The following LAMA3 variants were observed in gnomAD, a reference collection of about 807,000 sequenced individuals.
LAMA3 encodes the protein laminin subunit alpha-3.
Under a neutral mutation model 402.0 loss-of-function variants are expected in LAMA3, and 281 were observed. That is an observed-to-expected ratio of 0.70 (90% CI 0.63 to 0.77). The LOEUF (loss-of-function observed/expected upper bound fraction) is 0.77, where lower values mean the gene tolerates loss of function less well. Ranked by LOEUF, LAMA3 falls within the 30% of genes least tolerant of loss-of-function variation. The probability of loss-of-function intolerance (pLI) is 0.00; values close to 1 mark genes in which losing one functional copy is unlikely to be tolerated. For synonymous variants in LAMA3, 1,431 were observed against 1,558.4 expected (o/e 0.92, Z 1.93); for missense variants, 3,840 against 4,215.5 (o/e 0.91, Z 2.47).
intron 34 of LAMA3, among the ~76,000 whole-genome samples, 159 bp downstream of exon 34, chr18:23,858,988 C>T (rs1197317362): frequency 6.6e-6 from 1 of 152,134 alleles, no homozygotes; most frequent in Non-Finnish European, 1.5e-5. Flanking sequence ...AGGGGCTTTC[C>T]TTCACCACTT....
At chr18:23,747,384 G>T (rs570650134) in intron 2 of LAMA3, among the ~76,000 whole-genome samples, 17 of 152,242 alleles carry the variant, frequency 1.1e-4, no homozygotes, top group African/African-American at 3.9e-4. Context: ...AGAGTGATGA[G>T]GGCGAATGAG....
intron 12 of LAMA3, among the ~76,000 whole-genome samples, chr18:23,791,034 G>A (rs1373782795): frequency 2.0e-5 from 3 of 151,868 alleles, no homozygotes; most frequent in Non-Finnish European, 4.4e-5. Context: ...TACTACAGGC[G>A]CCCGCCACTG....
chr18:23,822,288 A>G lies in LAMA3; in HGVS notation c.2341A>G (p.Ser781Gly). The G allele has an allele frequency of 1.2e-6, 2 of 1,613,906 alleles. No homozygotes were observed. The highest frequency in any genetic ancestry group is 3.3e-4 in the Middle Eastern group (2 of 6,062). ...VRITLNVGKSSGSLFRVILRY... is the reference protein window; with the variant it reads ...VRITLNVGKSGGSLFRVILRY... ...AATAACATTGAATGTAGGGAAGTCAAGTGGCTCCTTGTTTCGTGTTATTCT... is the reference window on the plus strand; with the variant it reads ...AATAACATTGAATGTAGGGAAGTCAGGTGGCTCCTTGTTTCGTGTTATTCT... The change falls in exon 20 of 75, where the codon AGT (serine) becomes GGT (glycine). Residue 781 changes from serine to glycine, a missense_variant. Coordinates refer to ENST00000313654, the MANE Select transcript of LAMA3 (RefSeq NM_198129.4).
intron 8 of LAMA3, among the ~76,000 whole-genome samples, chr18:23,764,704 G>A (rs1002180710): frequency 1.3e-5 from 2 of 151,834 alleles, no homozygotes; most frequent in African/African-American, 4.8e-5. Context: ...TATTTAGGTA[G>A]CGTAATTAAC....
Position 23,810,479 on chromosome 18 carries a change from G to A in LAMA3, c.1717G>A (p.Ala573Thr), listed in dbSNP as rs768366452. The change falls in exon 13 of 75, where the codon GCT becomes ACT. Residue 573 changes from alanine to threonine, a missense_variant. By Grantham distance (58) the Ala-to-Thr change is moderately conservative. Around this residue, in one of 3 missense-constraint regions of LAMA3, gnomAD observed 2,109 missense variants for 2,376.0 expected, o/e 0.89. Transcript: ENST00000313654. ...GCGGTGTGACAGGTGTCTCTCAGGA[G>A]CTTATGATTTCCCCCACTGCCAAGG... ...GQRCDRCLSG[A>T]YDFPHCQGSS... 1 of 1,613,984 alleles carries A rather than the reference G, an allele frequency of 6.2e-7. No homozygotes were observed. Among genetic ancestry groups the A allele is most frequent in the Non-Finnish European group, 8.5e-7 (1 of 1,180,010 alleles).
intron 38 of LAMA3, among the ~76,000 whole-genome samples, chr18:23,873,997 G>A (rs994154512): frequency 6.6e-6 from 1 of 152,058 alleles, no homozygotes; most frequent in African/African-American, 2.4e-5. Flanking sequence ...TATAAGAGGT[G>A]AAAAAATGAT....
intron 11 of LAMA3, chr18:23,781,291 G>C (rs767473829): frequency 2.2e-6 from 1 of 456,054 alleles, no homozygotes; most frequent in South Asian, 1.5e-5. Flanking sequence ...TGTGATGGAC[G>C]GACAGGGTGG....
At chr18:23,806,066 A>G (rs553551672) in intron 12 of LAMA3, among the ~76,000 whole-genome samples, 1 of 152,324 alleles carries the variant, frequency 6.6e-6, no homozygotes, top group South Asian at 2.1e-4. Flanking sequence ...ACTTCCAGGA[A>G]CACCATGATC....
rs1337558734 is a variant in LAMA3 at position 23,905,572 on chromosome 18, C to T, written c.6666C>T (p.Asn2222=). The change falls in exon 52 of 75, where the codon AAC becomes AAT. Residue 2222 remains asparagine (N), a synonymous_variant. Coordinates refer to ENST00000313654, the MANE Select transcript of LAMA3 (RefSeq NM_198129.4). ...GAAAAGCTAAAACCCTGAGTTCCAA[C>T]AGTGATAAACTGTTAAATGAAGCCA... ...LPRKAKTLSS[N]SDKLLNEAKM... The T allele has an allele frequency of 1.2e-6, 2 of 1,611,992 alleles. No individual in the cohort carries two copies. Among genetic ancestry groups the T allele is most frequent in the Non-Finnish European group, 1.7e-6 (2 of 1,178,566 alleles).
At chr18:23,728,646 A>T (rs1002390092) in intron 2 of LAMA3, among the ~76,000 whole-genome samples, 4 of 152,094 alleles carry the variant, frequency 2.6e-5, no homozygotes. Flanking sequence ...GGAAGTGTCT[A>T]TCCCTGGGAC....
intron 1 of LAMA3, among the ~76,000 whole-genome samples, chr18:23,695,973 G>A (rs2060680095): frequency 6.6e-6 from 1 of 152,050 alleles, no homozygotes; most frequent in Non-Finnish European, 1.5e-5. Flanking sequence ...TTTGAACAGA[G>A]CCCAGTGGTT....
At chr18:23,777,429 T>C (rs2062346139) in intron 10 of LAMA3, 128 bp from the exon 11 acceptor site, 7 of 704,358 alleles carry the variant, frequency 9.9e-6, no homozygotes, top group Non-Finnish European at 2.6e-6. Context: ...CGCCTTTCTT[T>C]AAATTAGTCT....
chr18:23,871,669 G>C lies in LAMA3; in HGVS notation c.4998+8G>C. The stretch of plus-strand genomic sequence containing the variant: ...GCTGGTGACTCTTGTCAGGTAGGAA[G>C]TTTTCCCATCCGCAACATTTCCCTA... On this transcript the variant is annotated splice_region_variant and intron_variant, in intron 38 of 74. Transcript: ENST00000313654. The C allele has an allele frequency of 1.3e-6, 2 of 1,588,240 alleles. No individual in the cohort carries two copies. The highest frequency in any genetic ancestry group is 4.5e-5 in the East Asian group (2 of 44,124).
In LAMA3 at chr18:23,943,812, G is replaced by A; in HGVS notation, c.9051G>A (p.Gln3017=). 3 of 1,613,990 alleles carry A rather than the reference G, an allele frequency of 1.9e-6. No homozygotes were observed. Among genetic ancestry groups the A allele is most frequent in the South Asian group, 1.1e-5 (1 of 91,078 alleles). The change falls in exon 69 of 75, where the codon CAG becomes CAA. Residue 3017 remains glutamine (Q), a synonymous_variant. Coordinates refer to ENST00000313654, the MANE Select transcript of LAMA3 (RefSeq NM_198129.4). ...GGTCACAGTTTGCTGTGGACATGCA[G>A]ACAACATCCTCCAGAGGACTGGTGT... ...KPRSQFAVDM[Q]TTSSRGLVFH...
At chr18:23,825,840 C>T (rs551241838) in intron 21 of LAMA3, among the ~76,000 whole-genome samples, 1 of 152,050 alleles carries the variant, frequency 6.6e-6, no homozygotes, top group African/African-American at 2.4e-5. Context: ...CTATGATCAA[C>T]CTTTACTATT....
At chr18:23,890,192 C>A in intron 42 of LAMA3, 75 bp downstream of exon 42, 1 of 963,016 alleles carries the variant, frequency 1.0e-6, no homozygotes. Context: ...AACCCAAGCA[C>A]ACATCTTCAG....
intron 17 of LAMA3, 129 bp from the exon 18 acceptor site, chr18:23,816,259 G>A (rs2063173265): frequency 1.4e-6 from 1 of 737,384 alleles, no homozygotes; most frequent in Non-Finnish European, 2.4e-6. Context: ...TTGCCAGACA[G>A]ATGTGGCAGA....
At position 23,850,302 on chromosome 18, in the gene LAMA3, CT is replaced by C. The variant is rs147716939; in HGVS notation, c.4136+2637del. On this transcript the variant is annotated intron_variant, in intron 32 of 74. Coordinates refer to ENST00000313654, the MANE Select transcript of LAMA3 (RefSeq NM_198129.4). ...TCAAACTGTTACAAATATTCATCTA[CT>C]TTAAAATGAATTACAAAAATAATTT... is the stretch of plus-strand genomic sequence containing the variant. Among the ~76,000 whole-genome samples, 877 of 152,328 alleles carry C rather than the reference CT, an allele frequency of 5.8e-3. 11 individuals carry two copies. The highest frequency in any genetic ancestry group is 0.02 in the African/African-American group (841 of 41,566).
At chr18:23,784,496 T>A (rs2062501462) in intron 12 of LAMA3, among the ~76,000 whole-genome samples, 1 of 152,040 alleles carries the variant, frequency 6.6e-6, no homozygotes, top group African/African-American at 2.4e-5. Flanking sequence ...CAGATGCCAG[T>A]TGGGTTTGCA....
Sources: allele counts gnomAD v4.1 joint callset (sites outside exome capture counted in the v4.1 genomes callset), GRCh38; gene constraint gnomAD v4.1.1; regional missense constraint gnomAD v4.1.1; transcripts MANE v1.5; gene names NCBI Gene and HGNC (gene_info 2026-07-23, HGNC 2026-07-21).